SPAG16: variants seen among roughly 807,000 people sequenced by gnomAD.
SPAG16 encodes sperm-associated antigen 16 protein.
A neutral mutation model predicts 80.4 loss-of-function variants in SPAG16; 86 were observed. That is an observed-to-expected ratio of 1.07 (90% CI 0.90 to 1.28). The LOEUF is 1.28. Among genes scored for constraint, SPAG16 ranks in the 50% most tolerant of loss-of-function variants. SPAG16 has a pLI of 0.00. For missense variants in SPAG16, 870 were observed against 765.3 expected (o/e 1.14, Z -1.61); for synonymous variants, 294 against 265.9 (o/e 1.11, Z -1.03).
chr2:213,943,220 A>G (rs116412150), intron 12 of SPAG16, among the ~76,000 whole-genome samples: 1,986 of 152,244 alleles, frequency 0.013, 41 homozygotes, highest in African/African-American at 0.045. Context: ...GAGTGCTACT[A>G]TTTCAAATAC....
intron 12 of SPAG16, among the ~76,000 whole-genome samples, chr2:213,963,676 T>G (rs961412648): frequency 7.2e-5 from 11 of 152,180 alleles, no homozygotes; most frequent in African/African-American, 2.7e-4. Context: ...TCCTTCAAAT[T>G]ATCAGCTCTT....
At chr2:213,758,958 A>AT (rs2068497194) in intron 10 of SPAG16, among the ~76,000 whole-genome samples, 1 of 152,268 alleles carries the variant, frequency 6.6e-6, no homozygotes, top group Non-Finnish European at 1.5e-5. Context: ...CAGTAAGATT[A>AT]TCAGTATATT....
chr2:213,719,633 C>T (rs749121924), intron 10 of SPAG16, among the ~76,000 whole-genome samples: 4 of 152,118 alleles, frequency 2.6e-5, no homozygotes, highest in Non-Finnish European at 5.9e-5. Context: ...CAATTCTGGA[C>T]ACAATACCAT....
chr2:214,318,377 T>G (rs949443125), intron 15 of SPAG16, among the ~76,000 whole-genome samples: 1 of 132,568 alleles, frequency 7.5e-6, no homozygotes, highest in Non-Finnish European at 1.6e-5. Context: ...TGAATTCTTT[T>G]TTTTTTTTTT....
intron 14 of SPAG16, among the ~76,000 whole-genome samples, chr2:214,134,515 G>A (rs549976318): frequency 9.2e-5 from 14 of 152,214 alleles, no homozygotes; most frequent in Admixed American, 4.6e-4. Flanking sequence ...AAGCATGCCC[G>A]TTCCGTGAGG....
At chr2:214,000,837 T>C (rs575678404) in intron 12 of SPAG16, among the ~76,000 whole-genome samples, 1 of 152,186 alleles carries the variant, frequency 6.6e-6, no homozygotes, top group African/African-American at 2.4e-5. Context: ...AAATAGATTT[T>C]TTTTTTCTCT....
chr2:214,085,390 AAAAG>A (rs547284490), intron 13 of SPAG16, among the ~76,000 whole-genome samples: 1,893 of 150,010 alleles, frequency 0.013, 31 homozygotes, highest in African/African-American at 0.043. Context: ...AAAAAAAAAA[AAAAG>A]AAAGAAAGAA....
chr2:214,272,807 A>T (rs1692134509), intron 15 of SPAG16, among the ~76,000 whole-genome samples: 1 of 152,148 alleles, frequency 6.6e-6, no homozygotes, highest in South Asian at 2.1e-4. Context: ...GTATATACCC[A>T]GTAATGGGAT....
At chr2:213,522,522 TTAC>T (rs909076446) in intron 10 of SPAG16, among the ~76,000 whole-genome samples, 4 of 152,116 alleles carry the variant, frequency 2.6e-5, no homozygotes, top group Non-Finnish European at 5.9e-5. Flanking sequence ...GGTTTGGCCT[TTAC>T]ACCCCTGCCT....
intron 15 of SPAG16, among the ~76,000 whole-genome samples, chr2:214,386,101 G>GC (rs1295394035): frequency 6.6e-6 from 1 of 152,086 alleles, no homozygotes; most frequent in Non-Finnish European, 1.5e-5. Context: ...AGGGCTGGGT[G>GC]CGGTGGCTCA....
At chr2:214,016,425 C>T (rs1477836959) in intron 13 of SPAG16, among the ~76,000 whole-genome samples, 1 of 152,144 alleles carries the variant, frequency 6.6e-6, no homozygotes. Context: ...CAGTTACTTC[C>T]CACCAGGTCC....
chr2:213,366,224 G>A (rs961423800), intron 8 of SPAG16, among the ~76,000 whole-genome samples: 1 of 150,436 alleles, frequency 6.6e-6, no homozygotes, highest in Non-Finnish European at 1.5e-5. Flanking sequence ...AAGTCCCAAA[G>A]AAGAGAATGA....
intron 14 of SPAG16, among the ~76,000 whole-genome samples, chr2:214,141,261 G>T (rs1337872927): frequency 6.6e-6 from 1 of 152,042 alleles, no homozygotes; most frequent in African/African-American, 2.4e-5. Context: ...AAGGCCAGGA[G>T]ATCAAGACCA....
intron 9 of SPAG16, among the ~76,000 whole-genome samples, chr2:213,436,507 TC>T (rs1160567885): frequency 5.9e-5 from 9 of 152,228 alleles, no homozygotes; most frequent in Admixed American, 3.3e-4. Flanking sequence ...ATTATTTTAC[TC>T]TTATCATTCC....
intron 12 of SPAG16, among the ~76,000 whole-genome samples, chr2:213,932,949 AACAC>A (rs3076792): frequency 0.061 from 8,774 of 143,990 alleles, 371 homozygotes; most frequent in African/African-American, 0.12. Flanking sequence ...GTTGTTTGAA[AACAC>A]ACACACACAC....
intron 9 of SPAG16, among the ~76,000 whole-genome samples, chr2:213,405,432 A>G (rs1342362841): frequency 6.6e-6 from 1 of 152,170 alleles, no homozygotes; most frequent in Non-Finnish European, 1.5e-5. Context: ...ATCTGGGTAA[A>G]TGACATATCC....
rs200597218 is a variant in SPAG16, at chr2:213,377,903, ATTTTTTTTT to A, written c.942+2791_942+2799del. Among the ~76,000 whole-genome samples, 173 of 20,720 alleles carry A rather than the reference ATTTTTTTTT, an allele frequency of 8.3e-3. 1 individual carries two copies. Among genetic ancestry groups the A allele is most frequent in the African/African-American group, 0.031 (166 of 5,352 alleles). 13.6% of individuals were successfully genotyped at this position (20,720 alleles called of 152,430 possible). A position where few individuals can be genotyped will look rare whatever the true frequency, so the allele number is the denominator to read the frequency against. ...TGTGTATATATATATATATATATAT[ATTTTTTTTT>A]TTTTTTCTTTAGAAGGATAGAACTA... On this transcript the variant is annotated intron_variant, in intron 9 of 15. Transcript: ENST00000331683.
intron 10 of SPAG16, among the ~76,000 whole-genome samples, chr2:213,525,851 A>G (rs1400536126): frequency 6.6e-6 from 1 of 152,152 alleles, no homozygotes; most frequent in African/African-American, 2.4e-5. Context: ...GTAGATATAC[A>G]TATCTATATA....
At chr2:213,795,554 A>G (rs2070972710) in intron 10 of SPAG16, among the ~76,000 whole-genome samples, 1 of 152,056 alleles carries the variant, frequency 6.6e-6, no homozygotes, top group Non-Finnish European at 1.5e-5. Context: ...TCTTGTTCAT[A>G]TTTCTGACAC....
Sources: allele counts gnomAD v4.1 joint callset (sites outside exome capture counted in the v4.1 genomes callset), GRCh38; gene constraint gnomAD v4.1.1; transcripts MANE v1.5; gene names NCBI Gene and HGNC (gene_info 2026-07-23, HGNC 2026-07-21).